ARHGEF4: variants seen among roughly 807,000 people sequenced by gnomAD.
ARHGEF4 encodes the protein Rho guanine nucleotide exchange factor 4.
Under a neutral mutation model 162.0 loss-of-function variants are expected in ARHGEF4, and 119 were observed. The ratio of observed to expected loss-of-function variants is 0.73; its 90% CI spans 0.63 to 0.86. The LOEUF (loss-of-function observed/expected upper bound fraction) is 0.86. ARHGEF4 is among the 40% of genes least tolerant of loss of function. ARHGEF4 has a pLI of 0.00. For synonymous variants in ARHGEF4, 1,014 were observed against 979.9 expected, an observed-to-expected ratio of 1.03 and a Z score of -0.65; for missense variants, 2,488 against 2,456.0, an observed-to-expected ratio of 1.01 and a Z score of -0.28.
rs1401500921 is a variant in ARHGEF4, at chr2:130,916,868, A to G, written c.2922A>G (p.Leu974=). Residue 974 remains leucine (L), a synonymous_variant, in exon 2 of 14, where the codon CTA becomes CTG. Coordinates refer to ENST00000409359, the MANE Select transcript of ARHGEF4 (RefSeq NM_001367493.1). ...PKKPTLVSLP[L]GPEVLSPAET... The stretch of plus-strand genomic sequence containing the variant: ...AGCCCACCCTAGTGAGTCTGCCTCT[A>G]GGACCCGAAGTTCTCTCCCCAGCAG... 1.3e-6 allele frequency: 2 copies of G among 1,550,482 alleles called. No individual in the cohort carries two copies. The highest frequency in any genetic ancestry group is 8.7e-7 in the Non-Finnish European group (1 of 1,146,984).
intron 4 of ARHGEF4, among the ~76,000 whole-genome samples, chr2:131,007,035 T>C (rs975019069): frequency 2.6e-5 from 4 of 152,116 alleles, no homozygotes; most frequent in Non-Finnish European, 5.9e-5. Context: ...GCATAGGGTG[T>C]AGGAAATTAC....
intron 4 of ARHGEF4, among the ~76,000 whole-genome samples, chr2:130,953,607 G>C (rs563854808): frequency 6.6e-6 from 1 of 152,280 alleles, no homozygotes; most frequent in Non-Finnish European, 1.5e-5. Context: ...ACTACCATTA[G>C]AGTGAACAGA....
At chr2:131,044,615 G>A (rs1023543001) in intron 12 of ARHGEF4, 73 bp downstream of exon 12, 17 of 1,508,340 alleles carry the variant, frequency 1.1e-5, no homozygotes, top group African/African-American at 6.9e-5. Context: ...GCCGCCTGCC[G>A]GTCAGGAGAG....
chr2:130,976,349 C>G (rs62178926), intron 4 of ARHGEF4, among the ~76,000 whole-genome samples: 70 of 148,000 alleles, frequency 4.7e-4, no homozygotes, highest in South Asian at 1.1e-3. Context: ...GTGTGTGTGT[C>G]TGTGTGTGTG....
intron 1 of ARHGEF4, among the ~76,000 whole-genome samples, chr2:130,884,665 G>A (rs1559019177): frequency 1.3e-5 from 2 of 152,104 alleles, no homozygotes; most frequent in South Asian, 2.1e-4. Context: ...TTTAGAAAGC[G>A]ATAACAAGTA....
chr2:130,934,167 G>A (rs1221494124), intron 3 of ARHGEF4, among the ~76,000 whole-genome samples: 1 of 152,110 alleles, frequency 6.6e-6, no homozygotes, highest in Non-Finnish European at 1.5e-5. Flanking sequence ...TTTTGATGAC[G>A]GTTTTTCTGC....
intron 13 of ARHGEF4, 188 bp downstream of exon 13, chr2:131,045,634 G>T: frequency 6.5e-7 from 1 of 1,534,050 alleles, no homozygotes; most frequent in Admixed American, 2.0e-5. Context: ...TCAGTATATG[G>T]TTGACATTCT....
At chr2:131,039,952 G>C in intron 6 of ARHGEF4, 64 bp from the exon 7 acceptor site, 3 of 1,525,724 alleles carry the variant, frequency 2.0e-6, no homozygotes, top group Admixed American at 4.1e-5. Flanking sequence ...CGCCGCTGCG[G>C]CGCAGGGCGC....
At chr2:130,882,880 A>ACT (rs1679288620) in intron 1 of ARHGEF4, among the ~76,000 whole-genome samples, 1 of 151,950 alleles carries the variant, frequency 6.6e-6, no homozygotes, top group Non-Finnish European at 1.5e-5. Context: ...AGGGACAGGG[A>ACT]CATAGGGCTG....
At chr2:130,900,729 G>T (rs753622879) in intron 1 of ARHGEF4, among the ~76,000 whole-genome samples, 2 of 152,134 alleles carry the variant, frequency 1.3e-5, no homozygotes, top group African/African-American at 2.4e-5. Context: ...TGATTTTGAT[G>T]ATTCTGGTTG....
chr2:130,920,879 CAA>C (rs1681831531), intron 2 of ARHGEF4, among the ~76,000 whole-genome samples: 1 of 152,098 alleles, frequency 6.6e-6, no homozygotes, highest in African/African-American at 2.4e-5. Flanking sequence ...TAAAGCTTTT[CAA>C]AGTCAAGAAA....
intron 1 of ARHGEF4, among the ~76,000 whole-genome samples, chr2:130,878,978 G>C (rs1318349955): frequency 6.6e-6 from 1 of 152,222 alleles, no homozygotes; most frequent in African/African-American, 2.4e-5. Context: ...CCCAGGCAAG[G>C]CAACATGGGA....
At chr2:131,006,655 A>C (rs1688130176) in intron 4 of ARHGEF4, among the ~76,000 whole-genome samples, 1 of 152,224 alleles carries the variant, frequency 6.6e-6, no homozygotes, top group South Asian at 2.1e-4. Context: ...GCACTTACCT[A>C]GGCATCTTTT....
chr2:131,035,388 G>T, intron 5 of ARHGEF4: 3 of 923,582 alleles, frequency 3.2e-6, no homozygotes, highest in Non-Finnish European at 4.1e-6. Flanking sequence ...CTCACTACCA[G>T]GGCCTGGTCC....
intron 1 of ARHGEF4, among the ~76,000 whole-genome samples, chr2:130,911,551 T>C (rs1187093774): frequency 6.6e-6 from 1 of 152,242 alleles, no homozygotes; most frequent in African/African-American, 2.4e-5. Flanking sequence ...CAATATTCAA[T>C]CAAATCAAAT....
intron 4 of ARHGEF4, among the ~76,000 whole-genome samples, chr2:130,963,345 C>G (rs905042162): frequency 7.2e-5 from 11 of 152,192 alleles, no homozygotes; most frequent in African/African-American, 2.4e-4. Flanking sequence ...CGCGCTCCCC[C>G]CGCCGGCGCG....
In ARHGEF4 at chr2:130,836,980, G is replaced by T; in HGVS notation, c.27G>T (p.Arg9=). 1 of 1,227,154 alleles carries T rather than the reference G, an allele frequency of 8.1e-7. No homozygotes were observed. Among genetic ancestry groups the T allele is most frequent in the Non-Finnish European group, 1.0e-6 (1 of 984,972 alleles). 76.0% of individuals were successfully genotyped at this position (1,227,154 alleles called of 1,614,324 possible). A position where few individuals can be genotyped will look rare whatever the true frequency, so the allele number is the denominator to read the frequency against. The stretch of plus-strand genomic sequence containing the variant: ...TGCTCAGCGTCGTGCACTTCCTCCG[G>T]AGCTTCTTCAAGGTGAGAGCCGGCG... MLSVVHFL[R]SFFKTPEPGA... The change falls in exon 1 of 14, where the codon CGG becomes CGT. Residue 9 remains arginine, a synonymous_variant. Coordinates refer to ENST00000409359, the MANE Select transcript of ARHGEF4 (RefSeq NM_001367493.1).
intron 1 of ARHGEF4, among the ~76,000 whole-genome samples, chr2:130,909,088 G>A (rs1681017238): frequency 6.6e-6 from 1 of 152,184 alleles, no homozygotes; most frequent in Non-Finnish European, 1.5e-5. Flanking sequence ...AGTGAGGAAG[G>A]GAATGGAGAG....
intron 4 of ARHGEF4, among the ~76,000 whole-genome samples, chr2:130,970,526 T>C (rs111668225): frequency 0.013 from 1,939 of 148,958 alleles, 33 homozygotes; most frequent in African/African-American, 0.045. Flanking sequence ...GAGGCGGAGG[T>C]TGCAGTGAGC....
Sources: gnomAD v4.1 joint callset for allele counts (sites outside exome capture counted in the v4.1 genomes callset) on GRCh38, gnomAD v4.1.1 for gene constraint, MANE v1.5 for transcripts, NCBI Gene and HGNC (gene_info 2026-07-23, HGNC 2026-07-21) for gene names.